The following CTNNA2 variants were observed in gnomAD, a reference collection of about 807,000 sequenced individuals.
CTNNA2 encodes catenin alpha-2.
A neutral mutation model predicts 101.0 loss-of-function variants in CTNNA2; 42 were observed. The observed-to-expected ratio is 0.42, with a 90% CI of 0.32 to 0.54. The LOEUF is 0.54. Ranked by LOEUF, CTNNA2 falls within the 20% of genes least tolerant of loss-of-function variation. CTNNA2 has a pLI of 0.14. For missense variants in CTNNA2, 871 were observed against 1,223.1 expected, an observed-to-expected ratio of 0.71 and a Z score of 4.29; for synonymous variants, 450 against 456.4, an observed-to-expected ratio of 0.99 and a Z score of 0.18.
chr2:79,924,811 A>G (rs1686916176), intron 7 of CTNNA2, among the ~76,000 whole-genome samples: 1 of 152,114 alleles, frequency 6.6e-6, no homozygotes, highest in African/African-American at 2.4e-5. Context: ...TGTCTATCTC[A>G]TTCCTAATGA....
chr2:79,469,614 G>A (rs192614983), intron 4 of CTNNA2, among the ~76,000 whole-genome samples: 5,267 of 152,138 alleles, frequency 0.035, 127 homozygotes, highest in Non-Finnish European at 0.051. Context: ...GATGAACATC[G>A]ATGCAAAAAT....
intron 3 of CTNNA2, among the ~76,000 whole-genome samples, chr2:79,325,129 G>T (rs766101542): frequency 6.6e-6 from 1 of 152,032 alleles, no homozygotes; most frequent in Non-Finnish European, 1.5e-5. Context: ...TCTCCCCCAG[G>T]TGCAGACACA....
At chr2:79,413,768 A>G (rs1678444374) in intron 4 of CTNNA2, among the ~76,000 whole-genome samples, 1 of 151,912 alleles carries the variant, frequency 6.6e-6, no homozygotes, top group Non-Finnish European at 1.5e-5. Context: ...TATAACAGGT[A>G]TGAGGTGATA....
intron 1 of CTNNA2, among the ~76,000 whole-genome samples, chr2:79,578,108 G>T (rs573073871): frequency 6.6e-6 from 1 of 152,108 alleles, no homozygotes; most frequent in Admixed American, 6.6e-5. Context: ...GTAAATGAAC[G>T]AAAGCTATTA....
chr2:79,749,901 G>A (rs887132144), intron 3 of CTNNA2, among the ~76,000 whole-genome samples: 3 of 152,112 alleles, frequency 2.0e-5, no homozygotes, highest in Admixed American at 6.5e-5. Flanking sequence ...ACTACCTATA[G>A]CAATGTGTAC....
At chr2:80,092,932 A>T (rs902934953) in intron 7 of CTNNA2, among the ~76,000 whole-genome samples, 2 of 152,154 alleles carry the variant, frequency 1.3e-5, no homozygotes, top group Non-Finnish European at 2.9e-5. Flanking sequence ...ACAATTTAAA[A>T]TGCTAACATG....
At chr2:80,158,112 T>C (rs1476203328) in intron 7 of CTNNA2, among the ~76,000 whole-genome samples, 1 of 152,230 alleles carries the variant, frequency 6.6e-6, no homozygotes, top group Non-Finnish European at 1.5e-5. Context: ...TGTGGTGCTA[T>C]TGAATGCAAA....
At chr2:79,866,606 A>T (rs1335440955) in intron 4 of CTNNA2, 3 of 152,200 alleles carry the variant, frequency 2.0e-5, no homozygotes, top group Non-Finnish European at 4.4e-5. Flanking sequence ...CACTGCCTGT[A>T]TTCTCTCTGC....
rs1672433272 is a variant in CTNNA2 at position 80,632,741 on chromosome 2, T to C, written c.2574+13513T>C. On this transcript the variant is annotated intron_variant, in intron 18 of 18. Transcript: ENST00000402739. ...CTGGGACTGAGGCACCGAGGAGTTC[T>C]AATAAATTAAAATGAAGATCCCAAA... Among the ~76,000 whole-genome samples the C allele has an allele frequency of 2.0e-5, 3 of 152,140 alleles. No individual in the cohort carries two copies. The South Asian group carries it at 6.2e-4, about 32-fold the overall frequency.
At chr2:80,374,064 A>C (rs1049090515) in intron 7 of CTNNA2, among the ~76,000 whole-genome samples, 4 of 152,036 alleles carry the variant, frequency 2.6e-5, no homozygotes, top group Non-Finnish European at 5.9e-5. Flanking sequence ...AACTTTAAAA[A>C]AAAAAAAGAT....
chr2:79,376,456 G>GT lies in CTNNA2; in HGVS notation c.-135+2448dup, dbSNP rs58382841. On this transcript the variant is annotated intron_variant, in intron 4 of 21. Transcript: ENST00000466387. ...AAATAGCCCCTTGTTGGTTGGTTTT[G>GT]TTTTTGTTTTTGTTTTTTTGAAATT... Among the ~76,000 whole-genome samples the GT allele has an allele frequency of 3.3e-5, 5 of 149,424 alleles. No homozygotes were observed. In the East Asian group the frequency reaches 9.9e-4, roughly 30 times the overall value.
intron 7 of CTNNA2, chr2:80,313,633 G>A: frequency 6.2e-7 from 1 of 1,609,080 alleles, no homozygotes; most frequent in Non-Finnish European, 8.5e-7. Context: ...CTTCTGAGAT[G>A]CATACCATGT....
At chr2:79,766,763 CT>C (rs77703514) in intron 3 of CTNNA2, among the ~76,000 whole-genome samples, 29,388 of 148,568 alleles carry the variant, frequency 0.2, 2,906 homozygotes, top group Admixed American at 0.23. Flanking sequence ...TTTCTTTTTT[CT>C]TTTTTTTTTA....
chr2:80,392,623 C>T (rs1415708936), intron 7 of CTNNA2, among the ~76,000 whole-genome samples: 1 of 151,870 alleles, frequency 6.6e-6, no homozygotes, highest in African/African-American at 2.4e-5. Flanking sequence ...GGAAATTTTC[C>T]TCATGACCTC....
chr2:80,562,501 T>A (rs369095678), intron 12 of CTNNA2, among the ~76,000 whole-genome samples: 1 of 152,254 alleles, frequency 6.6e-6, no homozygotes, highest in African/African-American at 2.4e-5. Flanking sequence ...AGTCATCTTA[T>A]ATTTTGCTTG....
chr2:79,218,334 T>TGTGTGG (rs1229067985), intron 2 of CTNNA2, among the ~76,000 whole-genome samples: 1 of 82,148 alleles, frequency 1.2e-5, no homozygotes, highest in African/African-American at 3.9e-5. Flanking sequence ...TGTGTGTGTG[T>TGTGTGG]GTGTGTGTGT....
chr2:80,446,686 C>G (rs1041831354), intron 9 of CTNNA2, among the ~76,000 whole-genome samples: 1 of 152,102 alleles, frequency 6.6e-6, no homozygotes. Context: ...ACTTAAAACC[C>G]TTTTCAACAG....
At chr2:79,531,106 A>G (rs950045681) in intron 1 of CTNNA2, among the ~76,000 whole-genome samples, 14 of 151,130 alleles carry the variant, frequency 9.3e-5, no homozygotes, top group African/African-American at 3.4e-4. Context: ...CTTTGTAATT[A>G]TAACCACTAG....
chr2:79,644,748 C>A (rs564499013), intron 1 of CTNNA2, among the ~76,000 whole-genome samples: 9 of 152,270 alleles, frequency 5.9e-5, no homozygotes, highest in African/African-American at 2.2e-4. Context: ...GTTGGTGTCT[C>A]CCTCATCTAG....
Sources: gnomAD v4.1 joint callset for allele counts (sites outside exome capture counted in the v4.1 genomes callset) on GRCh38, gnomAD v4.1.1 for gene constraint, MANE v1.5 for transcripts, NCBI Gene and HGNC (gene_info 2026-07-23, HGNC 2026-07-21) for gene names.